The following DLGAP2 variants were observed in gnomAD, a reference collection of about 807,000 sequenced individuals.
The protein encoded by DLGAP2 is DLG associated protein 2.
DLGAP2 carries 26 observed loss-of-function variants against 100.3 expected under a neutral mutation model. The observed-to-expected ratio is 0.26, with a 90% CI of 0.19 to 0.36. The LOEUF (loss-of-function observed/expected upper bound fraction) is 0.36. Among genes scored for constraint, DLGAP2 ranks in the 10% least tolerant of loss-of-function variants. The pLI is 1.00. For missense variants in DLGAP2, 1,858 were observed against 1,453.2 expected (o/e 1.28, Z -4.53); for synonymous variants, 886 against 630.1 (o/e 1.41, Z -6.08).
At position 1,704,444 on chromosome 8, in the gene DLGAP2, G is replaced by T. The variant is rs1799651596; in HGVS notation, c.*3038G>T. 6.6e-6 allele frequency: 1 copy of T among 152,214 alleles called. No individual in the cohort carries two copies. Among genetic ancestry groups the T allele is most frequent in the African/African-American group, 2.4e-5 (1 of 41,448 alleles). The allele number at this position is 152,214 out of a possible 1,614,324, so 9.4% of individuals were successfully genotyped here. The stretch of plus-strand genomic sequence containing the variant: ...TATGATAAACAGGACCTAGCGTTTA[G>T]CCCGGGAAAGGAGAATGCTGCTTGT... On this transcript the variant is annotated 3_prime_UTR_variant, in exon 15 of 15. Transcript: ENST00000637795.
intron 2 of DLGAP2, among the ~76,000 whole-genome samples, chr8:1,184,436 G>A (rs1293217125): frequency 1.3e-5 from 2 of 152,192 alleles, no homozygotes; most frequent in African/African-American, 2.4e-5. Flanking sequence ...GAAGCATCCC[G>A]TGTGAAGGAG....
At chr8:1,025,134 G>A (rs948394087) in intron 2 of DLGAP2, among the ~76,000 whole-genome samples, 1 of 151,426 alleles carries the variant, frequency 6.6e-6, no homozygotes, top group African/African-American at 2.4e-5. Flanking sequence ...GCGTGTGCAT[G>A]TGTGTGTGCG....
chr8:1,292,944 G>C (rs1800093546), intron 3 of DLGAP2, among the ~76,000 whole-genome samples: 2 of 152,104 alleles, frequency 1.3e-5, no homozygotes, highest in Non-Finnish European at 2.9e-5. Flanking sequence ...CCCTGCATTA[G>C]GACCCTGGGC....
intron 2 of DLGAP2, among the ~76,000 whole-genome samples, chr8:1,008,420 A>G (rs1243519795): frequency 6.6e-6 from 1 of 152,254 alleles, no homozygotes; most frequent in Non-Finnish European, 1.5e-5. Flanking sequence ...ATCATATTCT[A>G]GTAATAGGCA....
intron 7 of DLGAP2, among the ~76,000 whole-genome samples, chr8:1,627,957 C>T (rs113895945): frequency 6.8e-6 from 1 of 146,040 alleles, no homozygotes; most frequent in Non-Finnish European, 1.5e-5. Context: ...CCTGAGCTGA[C>T]CTCACATTCT....
chr8:1,608,781 A>G (rs1291904447), intron 6 of DLGAP2, among the ~76,000 whole-genome samples: 4 of 150,204 alleles, frequency 2.7e-5, no homozygotes, highest in African/African-American at 9.8e-5. Flanking sequence ...ACTGGAAGAA[A>G]GGGTATCAGC....
At chr8:1,304,808 C>T (rs1352906414) in intron 3 of DLGAP2, among the ~76,000 whole-genome samples, 1 of 152,132 alleles carries the variant, frequency 6.6e-6, no homozygotes, top group Non-Finnish European at 1.5e-5. Flanking sequence ...TGTGGATCAT[C>T]ATCAATTATA....
At chr8:1,556,809 C>T (rs535262039) in intron 5 of DLGAP2, among the ~76,000 whole-genome samples, 15 of 152,312 alleles carry the variant, frequency 9.8e-5, no homozygotes, top group Admixed American at 1.3e-4. Flanking sequence ...AAAGGAAAGA[C>T]TTCCCACCCA....
chr8:1,133,798 A>AT (rs1796345910), intron 2 of DLGAP2, among the ~76,000 whole-genome samples: 1 of 152,192 alleles, frequency 6.6e-6, no homozygotes, highest in Non-Finnish European at 1.5e-5. Context: ...TGTAATGAAC[A>AT]TCACTCAGTT....
intron 3 of DLGAP2, among the ~76,000 whole-genome samples, chr8:1,346,164 T>C (rs1801550172): frequency 1.3e-5 from 2 of 152,212 alleles, no homozygotes; most frequent in South Asian, 4.2e-4. Context: ...TGATGGTAAC[T>C]GTGTGGAGTT....
At chr8:979,203 AC>A (rs1800259857) in intron 2 of DLGAP2, among the ~76,000 whole-genome samples, 1 of 152,212 alleles carries the variant, frequency 6.6e-6, no homozygotes, top group Non-Finnish European at 1.5e-5. Context: ...ACATAATGGC[AC>A]CTAACATCTC....
intron 6 of DLGAP2, among the ~76,000 whole-genome samples, chr8:1,592,594 A>G (rs1237929162): frequency 6.6e-6 from 1 of 152,120 alleles, no homozygotes; most frequent in African/African-American, 2.4e-5. Context: ...TTTCCTTTTC[A>G]GGGCTCCCAT....
At chr8:759,870 C>T (rs1025430448) in intron 1 of DLGAP2, among the ~76,000 whole-genome samples, 4 of 152,226 alleles carry the variant, frequency 2.6e-5, no homozygotes, top group African/African-American at 9.6e-5. Context: ...ATTTCTTGCT[C>T]TGTCAACTCT....
chr8:829,855 A>C (rs1796749487), intron 1 of DLGAP2, among the ~76,000 whole-genome samples: 1 of 152,230 alleles, frequency 6.6e-6, no homozygotes, highest in African/African-American at 2.4e-5. Flanking sequence ...TCAAATATTC[A>C]AAATGTGTTC....
intron 2 of DLGAP2, among the ~76,000 whole-genome samples, chr8:1,003,517 T>C (rs1032849718): frequency 6.6e-6 from 1 of 152,258 alleles, no homozygotes; most frequent in Non-Finnish European, 1.5e-5. Context: ...GGTTATCTAT[T>C]GCTGAATAAT....
At chr8:1,083,993 G>C (rs1021870910) in intron 2 of DLGAP2, among the ~76,000 whole-genome samples, 7 of 152,176 alleles carry the variant, frequency 4.6e-5, no homozygotes, top group Non-Finnish European at 2.9e-5. Context: ...ATAGGACCCT[G>C]TGATTGTAAG....
intron 3 of DLGAP2, among the ~76,000 whole-genome samples, chr8:1,277,344 C>T (rs1233497986): frequency 6.6e-6 from 1 of 152,082 alleles, no homozygotes; most frequent in African/African-American, 2.4e-5. Context: ...TTAATCTAGG[C>T]AGCCTGTTTT....
chr8:1,286,601 C>A (rs994072843), intron 3 of DLGAP2, among the ~76,000 whole-genome samples: 3 of 152,182 alleles, frequency 2.0e-5, no homozygotes, highest in Non-Finnish European at 4.4e-5. Context: ...ATACCCTCCT[C>A]TGCTGCTGTA....
intron 2 of DLGAP2, among the ~76,000 whole-genome samples, chr8:1,080,186 C>T (rs567559999): frequency 3.7e-4 from 56 of 152,318 alleles, no homozygotes; most frequent in African/African-American, 1.3e-3. Flanking sequence ...GAACTACTTG[C>T]ATTTTTATTT....
Sources: gnomAD v4.1 joint callset for allele counts (sites outside exome capture counted in the v4.1 genomes callset) on GRCh38, gnomAD v4.1.1 for gene constraint, MANE v1.5 for transcripts, NCBI Gene and HGNC (gene_info 2026-07-23, HGNC 2026-07-21) for gene names.